SACS: variants seen among roughly 807,000 people sequenced by gnomAD.
The protein encoded by SACS is sacsin molecular chaperone.
In SACS, 197 loss-of-function variants were observed where a neutral mutation model predicts 348.0. The observed-to-expected ratio is 0.57, with a 90% confidence interval of 0.50 to 0.64. SACS has a LOEUF of 0.64. Ranked by LOEUF, SACS falls within the 30% of genes least tolerant of loss-of-function variation. SACS has a pLI of 0.00. For synonymous variants in SACS, 1,985 were observed against 1,910.6 expected, an observed-to-expected ratio of 1.04 and a Z score of -1.02; for missense variants, 4,999 against 5,360.8, an observed-to-expected ratio of 0.93 and a Z score of 2.11.
intron 1 of SACS, among the ~76,000 whole-genome samples, chr13:23,423,184 G>A (rs1045159003): frequency 6.6e-6 from 1 of 151,908 alleles, no homozygotes; most frequent in African/African-American, 2.4e-5. Flanking sequence ...CCAAGCAGAC[G>A]TTCTTTAGAA....
In SACS at chr13:23,330,070, T is replaced by A; in HGVS notation, c.*66A>T. ...CTAGCTAATTGGCAATGAAGCTTAA[T>A]GAAGTACAGCAATTTATTCGTGCTA... is the stretch of plus-strand genomic sequence containing the variant. On this transcript the variant is annotated 3_prime_UTR_variant, in exon 10 of 10. Coordinates refer to ENST00000382292, the MANE Select transcript of SACS (RefSeq NM_014363.6). 1 of 1,407,308 alleles carries A rather than the reference T, an allele frequency of 7.1e-7. No individual in the cohort carries two copies. Among genetic ancestry groups the A allele is most frequent in the Non-Finnish European group, 9.9e-7 (1 of 1,005,466 alleles). The allele number at this position is 1,407,308 out of a possible 1,614,324, so 87.2% of individuals were successfully genotyped here.
At chr13:23,409,084 C>G (rs191446090) in intron 2 of SACS, among the ~76,000 whole-genome samples, 134 of 45,378 alleles carry the variant, frequency 3.0e-3, no homozygotes, top group African/African-American at 0.012. Context: ...ACGGAGTCTT[C>G]CTGTGTGGCC....
chr13:23,331,667 C>T lies in SACS; in HGVS notation c.12209G>A (p.Ser4070Asn), dbSNP rs1250999925. ...KGFNPIPHSR[S>N]ETFAFLKRFG... ...TCGCTTCAAAAAAGCAAAAGTTTCA[C>T]TTCTGCTGTGGGGAATAGGATTAAA... The change falls in exon 10 of 10, where the codon AGT (serine) becomes AAT (asparagine). Residue 4070 changes from serine to asparagine, a missense_variant. Ser to Asn is a conservative substitution (Grantham distance 46, BLOSUM62 1). This residue lies in a region of SACS where 831 missense variants were observed against 941.8 expected (regional missense o/e 0.88). Transcript: ENST00000382292. 2 of 1,613,970 alleles carry T rather than the reference C, an allele frequency of 1.2e-6. No homozygotes were observed. Among genetic ancestry groups the T allele is most frequent in the Non-Finnish European group, 1.7e-6 (2 of 1,179,952 alleles).
rs763841265 is a variant in SACS at position 23,337,980 on chromosome 13, C to G, written c.5896G>C (p.Asp1966His). 6.2e-7 allele frequency: 1 copy of G among 1,613,960 alleles called. No homozygotes were observed. Among genetic ancestry groups the G allele is most frequent in the Non-Finnish European group, 8.5e-7 (1 of 1,179,940 alleles). The part of the protein sequence containing the change: ...FSVICQGFYE[D>H]IAHGKGKELT... ...TCTTTCCCTTTTCCATGAGCTATAT[C>G]TTCATAAAATCCTTGGCAAATTACA... is the stretch of plus-strand genomic sequence containing the variant. The change falls in exon 10 of 10, where the codon GAT becomes CAT. Residue 1966 changes from aspartate (D) to histidine (H), a missense_variant. Physicochemically the swap from Asp to His is moderately conservative, Grantham distance 81 (BLOSUM62 -1). Coordinates refer to ENST00000382292, the MANE Select transcript of SACS (RefSeq NM_014363.6).
In SACS at chr13:23,354,905, C is replaced by T. The variant is rs1593144544; in HGVS notation, c.1707G>A (p.Trp569Ter). ...AGAAGTACACCTGCTCCAACCTGAC[C>T]CAGTCACAGCTAATTGAATAAATCA... is the stretch of plus-strand genomic sequence containing the variant. ...NAVIYSISCD[W>*]VRLEQVYFSE... Residue 569 changes from tryptophan (W) to a stop codon, truncating the protein, a stop_gained, in exon 8 of 10, where the codon TGG becomes TGA. Coordinates refer to ENST00000382292, the MANE Select transcript of SACS (RefSeq NM_014363.6). LOFTEE classifies it high-confidence loss of function. The T allele has an allele frequency of 6.2e-7, 1 of 1,614,170 alleles. No individual in the cohort carries two copies. The highest frequency in any genetic ancestry group is 1.3e-5 in the African/African-American group (1 of 75,038).
rs1883606743 is a variant in SACS, at chr13:23,333,213, T to C, written c.10663A>G (p.Lys3555Glu). 1.3e-6 allele frequency: 2 copies of C among 1,597,924 alleles called. No individual in the cohort carries two copies. The highest frequency in any genetic ancestry group is 1.7e-6 in the Non-Finnish European group (2 of 1,173,422). The change falls in exon 10 of 10, where the codon AAA becomes GAA. Residue 3555 changes from lysine (K) to glutamate (E), a missense_variant. Physicochemically the swap from Lys to Glu is moderately conservative, Grantham distance 56. This residue lies in a region of SACS where 831 missense variants were observed against 941.8 expected (regional missense o/e 0.88). Transcript: ENST00000382292. The stretch of plus-strand genomic sequence containing the variant: ...AAGAAATCATTAGGAATAAACAATT[T>C]TTCAGGAAGCATAACTTCAAAAACT... ...VRVFEVMLPE[K>E]LFIPNDFFKK... is the part of the protein sequence containing the mutation.
rs763574680 is a variant in SACS at position 23,332,699 on chromosome 13, G to T, written c.11177C>A (p.Pro3726Gln). ...IKEQEGSDLG[P>Q]QEQLEQVLNM... ...TAAAACTTGTTCAAGCTGTTCTTGTGGACCAAGGTCACTACCTTCTTGTTC... is the reference window on the plus strand; with the variant it reads ...TAAAACTTGTTCAAGCTGTTCTTGTTGACCAAGGTCACTACCTTCTTGTTC... Residue 3726 changes from proline (P) to glutamine (Q), a missense_variant, in exon 10 of 10, where the codon CCA (proline) becomes CAA (glutamine). Physicochemically the swap from Pro to Gln is moderately conservative, Grantham distance 76. Around this residue, in one of 6 missense-constraint regions of SACS, gnomAD observed 831 missense variants for 941.8 expected, o/e 0.88. Coordinates refer to ENST00000382292, the MANE Select transcript of SACS (RefSeq NM_014363.6). The T allele has an allele frequency of 5.6e-6, 9 of 1,613,904 alleles. No individual in the cohort carries two copies. The East Asian group carries it at 2.0e-4, about 36-fold the overall frequency.
Position 23,330,130 on chromosome 13 carries a change from A to G in SACS, c.*6T>C. ...CAAGATCTACCTTTTTTTTCGTTAAATATCTTCACACTTTTTGTTGCATAA... is the reference window on the plus strand; with the variant it reads ...CAAGATCTACCTTTTTTTTCGTTAAGTATCTTCACACTTTTTGTTGCATAA... On this transcript the variant is annotated 3_prime_UTR_variant, in exon 10 of 10. Transcript: ENST00000382292. 6.2e-7 allele frequency: 1 copy of G among 1,611,944 alleles called. No homozygotes were observed. The highest frequency in any genetic ancestry group is 8.5e-7 in the Non-Finnish European group (1 of 1,178,628).
chr13:23,337,949 G>A lies in SACS; in HGVS notation c.5927C>T (p.Thr1976Ile), dbSNP rs1159804316. 3 of 1,613,886 alleles carry A rather than the reference G, an allele frequency of 1.9e-6. No homozygotes were observed. Among genetic ancestry groups the A allele is most frequent in the East Asian group, 2.2e-5 (1 of 44,886 alleles). ...AGTAGATCCATCAGAGAAGACTTTG[G>A]TCAGTTCTTTCCCTTTTCCATGAGC... ...DIAHGKGKEL[T>I]KVFSDGSTWV... Residue 1976 changes from threonine (T) to isoleucine (I), a missense_variant, in exon 10 of 10, where the codon ACC becomes ATC. Thr to Ile is a moderately conservative substitution (Grantham distance 89). This residue lies in a region of SACS where 3,156 missense variants were observed against 3,380.1 expected (regional missense o/e 0.93). Transcript: ENST00000382292.
chr13:23,366,649 T>C (rs1478015993), intron 5 of SACS, among the ~76,000 whole-genome samples: 1 of 152,208 alleles, frequency 6.6e-6, no homozygotes, highest in Non-Finnish European at 1.5e-5. Context: ...ATTATTTATG[T>C]GTACTTTAGG....
chr13:23,429,077 T>A (rs974569620), intron 1 of SACS, among the ~76,000 whole-genome samples: 2 of 152,110 alleles, frequency 1.3e-5, no homozygotes, highest in Admixed American at 1.3e-4. Flanking sequence ...AAAAATAATA[T>A]CACATATGAG....
At chr13:23,372,129 G>A (rs1566089977) in intron 3 of SACS, among the ~76,000 whole-genome samples, 1 of 152,186 alleles carries the variant, frequency 6.6e-6, no homozygotes, top group Admixed American at 6.5e-5. Flanking sequence ...TCCTGCCGAA[G>A]TACCTGTGCA....
intron 2 of SACS, among the ~76,000 whole-genome samples, chr13:23,405,391 T>C (rs1873161723): frequency 6.6e-6 from 1 of 152,178 alleles, no homozygotes; most frequent in Admixed American, 6.6e-5. Flanking sequence ...CCTTACACCT[T>C]ATACAAACAT....
chr13:23,395,937 G>T (rs1230288686), intron 2 of SACS, among the ~76,000 whole-genome samples: 1 of 152,106 alleles, frequency 6.6e-6, no homozygotes, highest in Non-Finnish European at 1.5e-5. Context: ...TGTGTGTATG[G>T]TATTTTTCTA....
In SACS at chr13:23,333,970, A is replaced by T. The variant is rs1566060474; in HGVS notation, c.9906T>A (p.Leu3302=). ...QLVVPEGDVL[L]PLSLMHIAVF... is the part of the protein sequence containing the mutation. ...CTGCAATGTGCATAAGGCTGAGAGG[A>T]AGCAGAACATCTCCTTCAGGAACCA... Residue 3302 remains leucine, a synonymous_variant, in exon 10 of 10, where the codon CTT becomes CTA. Transcript: ENST00000382292. The T allele has an allele frequency of 6.2e-7, 1 of 1,613,898 alleles. No individual in the cohort carries two copies. Among genetic ancestry groups the T allele is most frequent in the Non-Finnish European group, 8.5e-7 (1 of 1,179,850 alleles).
rs746136066 is a variant in SACS at position 23,411,287 on chromosome 13, T to G, written c.-48A>C. ...GTTTGTGAAAACCATGAAAGTACGCTTCTTTCTTCTGTTTAAGTCTTCCCT... is the reference window on the plus strand; with the variant it reads ...GTTTGTGAAAACCATGAAAGTACGCGTCTTTCTTCTGTTTAAGTCTTCCCT... On this transcript the variant is annotated 5_prime_UTR_variant, in exon 2 of 10. Coordinates refer to ENST00000382292, the MANE Select transcript of SACS (RefSeq NM_014363.6). 12 of 1,555,758 alleles carry G rather than the reference T, an allele frequency of 7.7e-6. No homozygotes were observed. Among genetic ancestry groups the G allele is most frequent in the South Asian group, 1.1e-5 (1 of 89,714 alleles).
intron 1 of SACS, among the ~76,000 whole-genome samples, chr13:23,429,356 T>TTTTTTTG (rs1874335052): frequency 8.9e-6 from 1 of 111,942 alleles, no homozygotes; most frequent in Non-Finnish European, 1.8e-5. Context: ...TTTTTTTTTT[T>TTTTTTTG]TTTTTTTTTT....
rs746782589 is a variant in SACS, at chr13:23,332,139, C to G, written c.11737G>C (p.Asp3913His). The G allele has an allele frequency of 1.2e-5, 19 of 1,613,942 alleles. No individual in the cohort carries two copies. The Admixed American group carries it at 3.0e-4, about 25-fold the overall frequency. The change falls in exon 10 of 10, where the codon GAT (aspartate) becomes CAT (histidine). Residue 3913 changes from aspartate (D) to histidine (H), a missense_variant. Transcript: ENST00000382292. ...RDLALYLPSQDGRLVKSSILV... is the reference protein window; with the variant it reads ...RDLALYLPSQHGRLVKSSILV... ...ATGCTTGACTTTACCAATCTACCAT[C>G]CTGGCTTGGGAGGTAAAGCGCAAGG...
chr13:23,410,509 A>G (rs544374524), intron 2 of SACS, among the ~76,000 whole-genome samples: 4 of 152,328 alleles, frequency 2.6e-5, no homozygotes, highest in South Asian at 2.1e-4. Context: ...TTATTTGTTG[A>G]TATCTTTAGG....
Sources: allele counts gnomAD v4.1 joint callset (sites outside exome capture counted in the v4.1 genomes callset), GRCh38; gene constraint gnomAD v4.1.1; regional missense constraint gnomAD v4.1.1; transcripts MANE v1.5; gene names NCBI Gene and HGNC (gene_info 2026-07-23, HGNC 2026-07-21).